Variants in TPO observed in about 807,000 individuals in gnomAD.
TPO encodes the protein thyroid peroxidase, also known as thyroid microsomal antigen.
TPO carries 78 observed loss-of-function variants against 96.9 expected under a neutral mutation model. The observed-to-expected ratio is 0.81, with a 90% CI of 0.67 to 0.97. The LOEUF is 0.97. Among genes scored for constraint, TPO ranks in the 50% least tolerant of loss-of-function variants. TPO has a pLI of 0.00. For missense variants in TPO, 1,252 were observed against 1,274.8 expected, an observed-to-expected ratio of 0.98 and a Z score of 0.27; for synonymous variants, 547 against 538.0, an observed-to-expected ratio of 1.02 and a Z score of -0.23.
chr2:1,458,282 TATA>T (rs1668065865), intron 7 of TPO, among the ~76,000 whole-genome samples: 1 of 151,794 alleles, frequency 6.6e-6, no homozygotes, highest in East Asian at 1.9e-4. Flanking sequence ...GTATATAGCA[TATA>T]AGACAGTGTG....
chr2:1,391,916 C>G (rs1219621432), intron 1 of TPO, among the ~76,000 whole-genome samples: 1 of 152,164 alleles, frequency 6.6e-6, no homozygotes, highest in Middle Eastern at 3.2e-3. Flanking sequence ...AGATTTGGGG[C>G]TGAGACGATG....
chr2:1,458,736 AG>A (rs1229066123), intron 7 of TPO, among the ~76,000 whole-genome samples: 1 of 152,336 alleles, frequency 6.6e-6, no homozygotes, highest in Admixed American at 6.5e-5. Context: ...GTGCCTGGTA[AG>A]GACCACTTAG....
intron 14 of TPO, among the ~76,000 whole-genome samples, chr2:1,515,363 C>T (rs1436560590): frequency 2.6e-5 from 4 of 152,198 alleles, no homozygotes; most frequent in Non-Finnish European, 2.9e-5. Flanking sequence ...GCTCAGGTTG[C>T]CCTGCAGACT....
intron 8 of TPO, among the ~76,000 whole-genome samples, chr2:1,480,536 C>G (rs1390922359): frequency 7.2e-6 from 1 of 138,204 alleles, no homozygotes; most frequent in Admixed American, 7.3e-5. Flanking sequence ...AGCATCCCCC[C>G]CTCTATCACC....
intron 13 of TPO, among the ~76,000 whole-genome samples, chr2:1,500,338 A>G (rs779010687): frequency 2.0e-5 from 3 of 152,220 alleles, no homozygotes; most frequent in Non-Finnish European, 2.9e-5. Flanking sequence ...ATTAAAATAT[A>G]TCTTAGAGAT....
chr2:1,382,786 G>C (rs2361828), intron 1 of TPO, among the ~76,000 whole-genome samples: 1 of 151,894 alleles, frequency 6.6e-6, no homozygotes, highest in African/African-American at 2.4e-5. Context: ...GTGCAGGTTT[G>C]TTACATATGT....
At chr2:1,542,176 C>CA (rs1381337478) in intron 16 of TPO, 6 of 600,528 alleles carry the variant, frequency 1.0e-5, no homozygotes, top group Non-Finnish European at 1.8e-5. Context: ...CTGCGGATTG[C>CA]AGATCCCACT....
At chr2:1,499,682 C>T (rs879512704) in intron 13 of TPO, among the ~76,000 whole-genome samples, 59 of 152,186 alleles carry the variant, frequency 3.9e-4, no homozygotes, top group Non-Finnish European at 6.9e-4. Context: ...AGAATCCACA[C>T]TCTTCACAAG....
At chr2:1,422,828 A>G (rs544614457) in intron 2 of TPO, among the ~76,000 whole-genome samples, 1 of 152,312 alleles carries the variant, frequency 6.6e-6, no homozygotes, top group Admixed American at 6.5e-5. Flanking sequence ...CTCTGATCCC[A>G]TCCTCCAGGC....
At chr2:1,526,002 C>T (rs1676385143) in intron 15 of TPO, among the ~76,000 whole-genome samples, 2 of 141,248 alleles carry the variant, frequency 1.4e-5, no homozygotes, top group African/African-American at 2.7e-5. Flanking sequence ...CCCAAATCCC[C>T]CACTGTGTGC....
intron 7 of TPO, among the ~76,000 whole-genome samples, chr2:1,474,169 ATTCTAT>A (rs1434638088): frequency 5.3e-5 from 8 of 152,192 alleles, no homozygotes; most frequent in African/African-American, 1.9e-4. Flanking sequence ...ATTCCAATCT[ATTCTAT>A]TTCTATTTAA....
intron 14 of TPO, among the ~76,000 whole-genome samples, chr2:1,507,963 A>C (rs1673658948): frequency 6.6e-6 from 1 of 152,194 alleles, no homozygotes; most frequent in Non-Finnish European, 1.5e-5. Context: ...GTTTTGTGCC[A>C]GTTTTCAAAG....
intron 1 of TPO, among the ~76,000 whole-genome samples, chr2:1,396,547 C>T (rs9798466): frequency 0.97 from 147,996 of 152,310 alleles, 71,923 homozygotes; most frequent in East Asian, 1. Context: ...CATTGACTTG[C>T]AGAAAGGACA....
intron 1 of TPO, among the ~76,000 whole-genome samples, chr2:1,382,175 G>A (rs763765325): frequency 3.9e-5 from 6 of 152,114 alleles, no homozygotes; most frequent in Non-Finnish European, 7.4e-5. Flanking sequence ...ACCCGGGAGC[G>A]TTTCAGTCCC....
At chr2:1,473,962 G>A (rs1293284626) in intron 7 of TPO, among the ~76,000 whole-genome samples, 1 of 152,000 alleles carries the variant, frequency 6.6e-6, no homozygotes, top group African/African-American at 2.4e-5. Context: ...ATTTTATTAT[G>A]TTTTAAATCT....
Position 1,540,661 on chromosome 2 carries a change from T to C in TPO, c.2686T>C (p.Cys896Arg). The C allele has an allele frequency of 6.2e-7, 1 of 1,613,462 alleles. No homozygotes were observed. ...ETGGGTPELR[C>R]GKHQAVGTSP... is the part of the protein sequence containing the mutation. Reference sequence around the variant, plus strand: ...AGGCGGAGGAACTCCCGAGCTGAGATGCGGAAAGCACCAGGCCGTAGGGAC... The same window carrying C: ...AGGCGGAGGAACTCCCGAGCTGAGACGCGGAAAGCACCAGGCCGTAGGGAC... The change falls in exon 16 of 17, where the codon TGC becomes CGC. Residue 896 changes from cysteine to arginine, a missense_variant. By Grantham distance (180) the Cys-to-Arg change is radical. Coordinates refer to ENST00000329066, the MANE Select transcript of TPO (RefSeq NM_001206744.2).
chr2:1,471,748 G>T (rs1034399411), intron 7 of TPO, among the ~76,000 whole-genome samples: 15 of 152,152 alleles, frequency 9.9e-5, no homozygotes, highest in African/African-American at 3.6e-4. Context: ...CATGATAAAT[G>T]AAACTAGAAT....
intron 14 of TPO, among the ~76,000 whole-genome samples, chr2:1,510,708 C>T (rs13409815): frequency 0.6 from 91,911 of 151,956 alleles, 28,008 homozygotes; most frequent in African/African-American, 0.7. Flanking sequence ...GCACCGTGAC[C>T]GGGGCCAGGA....
At chr2:1,463,213 A>G (rs1573296682) in intron 7 of TPO, among the ~76,000 whole-genome samples, 1 of 152,302 alleles carries the variant, frequency 6.6e-6, no homozygotes, top group East Asian at 1.9e-4. Flanking sequence ...CTTGCAGTTA[A>G]GAGTGTCCAT....
Sources: gnomAD v4.1 joint callset for allele counts (sites outside exome capture counted in the v4.1 genomes callset) on GRCh38, gnomAD v4.1.1 for gene constraint, MANE v1.5 for transcripts, NCBI Gene and HGNC (gene_info 2026-07-23, HGNC 2026-07-21) for gene names.